The following FHIT variants were observed in gnomAD, a reference collection of about 807,000 sequenced individuals.
The protein encoded by FHIT is fragile histidine triad diadenosine triphosphatase.
FHIT carries 19 observed loss-of-function variants against 17.9 expected under a neutral mutation model. The observed-to-expected ratio is 1.06, with a 90% CI of 0.74 to 1.56. The LOEUF is 1.56. Among genes scored for constraint, FHIT ranks in the 40% most tolerant of loss-of-function variants. The probability of loss-of-function intolerance (pLI) is 0.00; values close to 1 mark genes in which losing one functional copy is unlikely to be tolerated. For missense variants in FHIT, 248 were observed against 189.2 expected (o/e 1.31, Z -1.82); for synonymous variants, 81 against 69.7 (o/e 1.16, Z -0.81).
At chr3:61,238,063 T>A (rs1016802079) in intron 1 of FHIT, among the ~76,000 whole-genome samples, 2 of 152,208 alleles carry the variant, frequency 1.3e-5, no homozygotes, top group Non-Finnish European at 2.9e-5. Flanking sequence ...CATTGTTCTA[T>A]GCATGGAGAC....
intron 8 of FHIT, among the ~76,000 whole-genome samples, chr3:59,821,173 T>C (rs1019734557): frequency 3.9e-5 from 6 of 152,012 alleles, no homozygotes; most frequent in African/African-American, 7.3e-5. Context: ...GGGAAAAACA[T>C]AGAGGCAAGA....
intron 7 of FHIT, among the ~76,000 whole-genome samples, chr3:60,006,341 G>T (rs192008001): frequency 6.6e-6 from 1 of 152,154 alleles, no homozygotes; most frequent in African/African-American, 2.4e-5. Flanking sequence ...CGTAGCGAGA[G>T]AATTCAGTGT....
At chr3:60,729,820 A>G (rs1553710655) in intron 4 of FHIT, among the ~76,000 whole-genome samples, 1 of 152,126 alleles carries the variant, frequency 6.6e-6, no homozygotes, top group Non-Finnish European at 1.5e-5. Flanking sequence ...AAGGACCTAT[A>G]TAATGGAGGC....
At chr3:59,750,734 C>G (rs546762448) in intron 9 of FHIT, 82 of 212,966 alleles carry the variant, frequency 3.9e-4, no homozygotes, top group Non-Finnish European at 4.8e-5. Context: ...ATTTAGAATA[C>G]TCTAAAAAGA....
chr3:61,170,965 T>C (rs139173855), intron 2 of FHIT, among the ~76,000 whole-genome samples: 146 of 152,248 alleles, frequency 9.6e-4, no homozygotes, highest in African/African-American at 3.1e-3. Context: ...AAAATACCAA[T>C]GGGATTATCA....
intron 5 of FHIT, among the ~76,000 whole-genome samples, chr3:60,430,454 T>C (rs1702842156): frequency 6.6e-6 from 1 of 152,104 alleles, no homozygotes; most frequent in African/African-American, 2.4e-5. Flanking sequence ...GCCAACTTGA[T>C]TCTTACACAG....
intron 4 of FHIT, among the ~76,000 whole-genome samples, chr3:60,800,782 T>C (rs981464008): frequency 6.6e-6 from 1 of 152,160 alleles, no homozygotes; most frequent in African/African-American, 2.4e-5. Flanking sequence ...GTATGGAGTA[T>C]GAACAGCACC....
chr3:61,022,996 G>A (rs747846564), intron 3 of FHIT, among the ~76,000 whole-genome samples: 27 of 152,082 alleles, frequency 1.8e-4, no homozygotes, highest in African/African-American at 6.3e-4. Context: ...TGGCCAGGGC[G>A]ATCAGGCAAG....
chr3:60,857,620 C>T (rs1189582384), intron 3 of FHIT, among the ~76,000 whole-genome samples: 3 of 152,202 alleles, frequency 2.0e-5, no homozygotes, highest in African/African-American at 7.2e-5. Context: ...TGCCCATCAA[C>T]ATCTGAGACA....
At chr3:60,173,483 G>C (rs368090691) in intron 5 of FHIT, among the ~76,000 whole-genome samples, 1 of 151,978 alleles carries the variant, frequency 6.6e-6, no homozygotes, top group South Asian at 2.1e-4. Context: ...GTTTATTTCA[G>C]AGAAAAAAAG....
chr3:59,939,167 C>T (rs1706386876), intron 7 of FHIT, among the ~76,000 whole-genome samples: 1 of 152,168 alleles, frequency 6.6e-6, no homozygotes, highest in Non-Finnish European at 1.5e-5. Context: ...AGGTACCAGC[C>T]AGAAATTACA....
At chr3:60,327,426 C>A (rs1360733996) in intron 5 of FHIT, among the ~76,000 whole-genome samples, 1 of 152,110 alleles carries the variant, frequency 6.6e-6, no homozygotes, top group Non-Finnish European at 1.5e-5. Flanking sequence ...CACCGTAGAG[C>A]AAAAACAGCC....
intron 5 of FHIT, among the ~76,000 whole-genome samples, chr3:60,337,393 TCTC>T (rs1252141699): frequency 6.6e-6 from 1 of 152,164 alleles, no homozygotes. Context: ...GTTCTGACTG[TCTC>T]CTCATCTCTA....
chr3:60,039,756 C>A (rs1701361484), intron 5 of FHIT, among the ~76,000 whole-genome samples: 1 of 152,182 alleles, frequency 6.6e-6, no homozygotes, highest in Non-Finnish European at 1.5e-5. Context: ...GTATCTCAGG[C>A]AGTGCAGTCC....
chr3:60,387,267 AGGT>A (rs1363963371), intron 5 of FHIT, among the ~76,000 whole-genome samples: 2 of 152,082 alleles, frequency 1.3e-5, no homozygotes, highest in Non-Finnish European at 2.9e-5. Context: ...CTGGGATTAC[AGGT>A]GTGAGCCACC....
At chr3:61,220,847 A>G (rs2039816662) in intron 1 of FHIT, among the ~76,000 whole-genome samples, 1 of 152,220 alleles carries the variant, frequency 6.6e-6, no homozygotes, top group Non-Finnish European at 1.5e-5. Flanking sequence ...ATGCTTTCAC[A>G]AAACAATAAG....
At chr3:59,765,024 G>T (rs1416802404) in intron 8 of FHIT, among the ~76,000 whole-genome samples, 1 of 152,126 alleles carries the variant, frequency 6.6e-6, no homozygotes, top group African/African-American at 2.4e-5. Flanking sequence ...TGCCTACTAT[G>T]TACCTAACCT....
At chr3:60,107,349 A>G (rs1704469934) in intron 5 of FHIT, among the ~76,000 whole-genome samples, 1 of 152,130 alleles carries the variant, frequency 6.6e-6, no homozygotes, top group African/African-American at 2.4e-5. Flanking sequence ...ATACAGATAT[A>G]CAATTCATAT....
chr3:60,198,978 A>T (rs988621471), intron 5 of FHIT, among the ~76,000 whole-genome samples: 1 of 152,328 alleles, frequency 6.6e-6, no homozygotes, highest in Middle Eastern at 3.4e-3. Flanking sequence ...GTAGCAGTCT[A>T]AAATATTTAC....
Sources: gnomAD v4.1 joint callset for allele counts (sites outside exome capture counted in the v4.1 genomes callset) on GRCh38, gnomAD v4.1.1 for gene constraint, MANE v1.5 for transcripts, NCBI Gene and HGNC (gene_info 2026-07-23, HGNC 2026-07-21) for gene names.